The following TMEM63C variants were observed in gnomAD, a reference collection of about 807,000 sequenced individuals.
TMEM63C encodes the protein osmosensitive cation channel TMEM63C.
Under a neutral mutation model 99.2 loss-of-function variants are expected in TMEM63C, and 32 were observed. The observed-to-expected ratio is 0.32, with a 90% CI of 0.24 to 0.43. TMEM63C has a LOEUF of 0.43. TMEM63C is among the 20% of genes least tolerant of loss of function. The pLI, the probability that TMEM63C is intolerant of heterozygous loss-of-function variation, is 1.00. For synonymous variants in TMEM63C, 376 were observed against 397.9 expected (o/e 0.94, Z 0.66); for missense variants, 826 against 1,053.0 (o/e 0.78, Z 2.98).
chr14:77,244,273 T>G (rs1334035065), intron 15 of TMEM63C, 76 bp from the exon 16 acceptor site: 5 of 1,128,390 alleles, frequency 4.4e-6, no homozygotes, highest in Non-Finnish European at 6.7e-6. Flanking sequence ...TGGGAGTGAG[T>G]GGGAGGAGAA....
intron 18 of TMEM63C, 131 bp downstream of exon 18, chr14:77,246,805 G>A: frequency 1.5e-6 from 1 of 676,302 alleles, no homozygotes; most frequent in East Asian, 2.9e-5. Context: ...CACCCTCACT[G>A]GGCAGACTTG....
At chr14:77,211,128 A>AG (rs1205283998) in intron 1 of TMEM63C, among the ~76,000 whole-genome samples, 1 of 152,184 alleles carries the variant, frequency 6.6e-6, no homozygotes, top group Non-Finnish European at 1.5e-5. Context: ...CCTAAAGGCT[A>AG]GGGAAGCTGC....
At position 77,182,503 on chromosome 14, in the gene TMEM63C, A is replaced by C. The variant is rs547468280; in HGVS notation, c.-77+609A>C. On this transcript the variant is annotated intron_variant, in intron 1 of 23. Coordinates refer to ENST00000298351, the MANE Select transcript of TMEM63C (RefSeq NM_020431.4). ...TTGTGTTTGGATGAAGGCCCTGGGG[A>C]AACTGAGGCCCAGGGGTGCTGTGGC... 3.9e-5 allele frequency among the ~76,000 whole-genome samples: 6 copies of C among 152,306 alleles called. No homozygotes were observed. In the East Asian group the frequency reaches 1.2e-3, roughly 29 times the overall value.
At chr14:77,215,611 A>AG (rs1888566932) in intron 2 of TMEM63C, among the ~76,000 whole-genome samples, 3 of 142,154 alleles carry the variant, frequency 2.1e-5, no homozygotes, top group East Asian at 2.0e-4. Context: ...AAAAAAAAAA[A>AG]AAAAAAAGAA....
chr14:77,239,048 T>C (rs1889110094), intron 10 of TMEM63C, among the ~76,000 whole-genome samples: 1 of 152,238 alleles, frequency 6.6e-6, no homozygotes. Context: ...CAGGGAACCT[T>C]GGATCACAGC....
chr14:77,224,455 G>A lies in TMEM63C; in HGVS notation c.313-969G>A, dbSNP rs180681189. Among the ~76,000 whole-genome samples the A allele has an allele frequency of 1.6e-4, 24 of 152,228 alleles. No homozygotes were observed. In the East Asian group the frequency reaches 2.9e-3, roughly 19 times the overall value. ...ACCCAAATGGGGCCAATCTAGAGCT[G>A]TAACCTTGTGCAAGGTTTTGCTAAG... On this transcript the variant is annotated intron_variant, in intron 5 of 23. Coordinates refer to ENST00000298351, the MANE Select transcript of TMEM63C (RefSeq NM_020431.4).
chr14:77,238,315 G>C (rs1012683490), intron 9 of TMEM63C, among the ~76,000 whole-genome samples: 2 of 152,160 alleles, frequency 1.3e-5, no homozygotes, highest in Non-Finnish European at 2.9e-5. Context: ...CTGTGGGGTC[G>C]CTCTGGCAGC....
intron 16 of TMEM63C, among the ~76,000 whole-genome samples, chr14:77,245,082 C>G (rs774712469): frequency 2.0e-5 from 3 of 152,250 alleles, no homozygotes; most frequent in Non-Finnish European, 4.4e-5. Flanking sequence ...ACTATTCCAC[C>G]AGGCAGCAGC....
At position 77,256,561 on chromosome 14, in the gene TMEM63C, G is replaced by T; in HGVS notation, c.2256G>T (p.Leu752Phe). Residue 752 changes from leucine (L) to phenylalanine (F), a missense_variant, in exon 24 of 24, where the codon TTG becomes TTT. Coordinates refer to ENST00000298351, the MANE Select transcript of TMEM63C (RefSeq NM_020431.4). ...YVATVLQEPELNLTPASSPAR... is the reference protein window; with the variant it reads ...YVATVLQEPEFNLTPASSPAR... ...CCACCGTGCTGCAAGAACCGGAGTT[G>T]AATCTGACCCCCGCCTCCTCCCCAG... The T allele has an allele frequency of 6.2e-7, 1 of 1,614,008 alleles. No homozygotes were observed. Among genetic ancestry groups the T allele is most frequent in the African/African-American group, 1.3e-5 (1 of 75,052 alleles).
In TMEM63C at chr14:77,225,477, C is replaced by T. The variant is rs769117960; in HGVS notation, c.350+16C>T. ...TAACAATGAAGTAAGTGCCCGGGCT[C>T]TGTGAGCTTGTGACCGTGTTGCCTT... On this transcript the variant is annotated intron_variant, in intron 6 of 23. Coordinates refer to ENST00000298351, the MANE Select transcript of TMEM63C (RefSeq NM_020431.4). 5 of 1,612,466 alleles carry T rather than the reference C, an allele frequency of 3.1e-6. No individual in the cohort carries two copies. Among genetic ancestry groups the T allele is most frequent in the Non-Finnish European group, 4.2e-6 (5 of 1,179,262 alleles).
Position 77,256,624 on chromosome 14 carries a change from A to G in TMEM63C, c.2319A>G (p.Glu773=), listed in dbSNP as rs761957484. The G allele has an allele frequency of 1.2e-6, 2 of 1,613,888 alleles. No homozygotes were observed. Among genetic ancestry groups the G allele is most frequent in the East Asian group, 4.5e-5 (2 of 44,902 alleles). Residue 773 remains glutamate, a synonymous_variant, in exon 24 of 24, where the codon GAA becomes GAG. Transcript: ENST00000298351. ...ATGGCACCATGAACAACCAGCCGGA[A>G]GAGGGAGAAGAAGAGAGTGGTCTGA... ...HTYGTMNNQP[E]EGEEESGLRG...
intron 2 of TMEM63C, among the ~76,000 whole-genome samples, chr14:77,216,334 G>A (rs969277850): frequency 7.2e-5 from 11 of 151,916 alleles, no homozygotes; most frequent in Admixed American, 4.6e-4. Context: ...AGATATTGGC[G>A]CACCCCGAGG....
chr14:77,202,537 T>C (rs1888316134), intron 1 of TMEM63C, among the ~76,000 whole-genome samples: 1 of 152,192 alleles, frequency 6.6e-6, no homozygotes, highest in Non-Finnish European at 1.5e-5. Context: ...CTCTTCCTAG[T>C]TCCTGGGGGT....
intron 23 of TMEM63C, 137 bp from the exon 24 acceptor site, chr14:77,256,389 G>C: frequency 1.2e-6 from 1 of 806,952 alleles, no homozygotes; most frequent in Non-Finnish European, 2.0e-6. Context: ...CAGGACCCAG[G>C]CTGCTGGGGA....
intron 5 of TMEM63C, among the ~76,000 whole-genome samples, chr14:77,222,435 G>C (rs1301561354): frequency 6.6e-6 from 1 of 152,134 alleles, no homozygotes. Flanking sequence ...GATCCCTTTA[G>C]GTCCACGCTC....
intron 1 of TMEM63C, among the ~76,000 whole-genome samples, chr14:77,194,761 T>G (rs1566616383): frequency 1.3e-5 from 2 of 151,604 alleles, no homozygotes; most frequent in Non-Finnish European, 2.9e-5. Flanking sequence ...TTTGTACTTT[T>G]TGTGGAACCG....
At chr14:77,222,948 C>T (rs1349259965) in intron 5 of TMEM63C, among the ~76,000 whole-genome samples, 1 of 152,242 alleles carries the variant, frequency 6.6e-6, no homozygotes, top group Non-Finnish European at 1.5e-5. Flanking sequence ...CACTGCACCC[C>T]ACATCCAATC....
At position 77,256,729 on chromosome 14, in the gene TMEM63C, G is replaced by C; in HGVS notation, c.*3G>C. Reference sequence around the variant, plus strand: ...AGGGCCAGAACCAGTACCACTGACCGGGACCTGAGGCCTCCACTGGCGACT... The same window carrying C: ...AGGGCCAGAACCAGTACCACTGACCCGGACCTGAGGCCTCCACTGGCGACT... On this transcript the variant is annotated 3_prime_UTR_variant, in exon 24 of 24. Coordinates refer to ENST00000298351, the MANE Select transcript of TMEM63C (RefSeq NM_020431.4). The C allele has an allele frequency of 6.2e-7, 1 of 1,613,010 alleles. No individual in the cohort carries two copies. Among genetic ancestry groups the C allele is most frequent in the Non-Finnish European group, 8.5e-7 (1 of 1,179,224 alleles).
chr14:77,184,686 C>T (rs1277190687), intron 1 of TMEM63C, among the ~76,000 whole-genome samples: 2 of 152,164 alleles, frequency 1.3e-5, no homozygotes, highest in African/African-American at 4.8e-5. Context: ...CCCCAATGCT[C>T]ACTCTTCTTT....
Sources: allele counts gnomAD v4.1 joint callset (sites outside exome capture counted in the v4.1 genomes callset), GRCh38; gene constraint gnomAD v4.1.1; transcripts MANE v1.5; gene names NCBI Gene and HGNC (gene_info 2026-07-23, HGNC 2026-07-21).